Variants in TAF4B observed in about 807,000 individuals in gnomAD.
TAF4B encodes the protein transcription initiation factor TFIID subunit 4B.
In TAF4B, 38 loss-of-function variants were observed where a neutral mutation model predicts 86.4. The observed-to-expected ratio is 0.44, with a 90% CI of 0.34 to 0.58. The LOEUF (loss-of-function observed/expected upper bound fraction) is 0.58, where lower values mean the gene tolerates loss of function less well. TAF4B is among the 20% of genes least tolerant of loss of function. The probability of loss-of-function intolerance (pLI) is 0.02; values close to 1 mark genes in which losing one functional copy is unlikely to be tolerated. For missense variants in TAF4B, 988 were observed against 1,027.6 expected, an observed-to-expected ratio of 0.96 and a Z score of 0.53; for synonymous variants, 388 against 391.2, an observed-to-expected ratio of 0.99 and a Z score of 0.10.
chr18:26,354,276 G>T (rs1377766938), intron 13 of TAF4B, among the ~76,000 whole-genome samples: 1 of 152,182 alleles, frequency 6.6e-6, no homozygotes, highest in Non-Finnish European at 1.5e-5. Flanking sequence ...GTTTCACCCT[G>T]TTGGCCAGGC....
In TAF4B at chr18:26,267,663, A is replaced by G. The variant is rs748310583; in HGVS notation, c.597+40A>G. 1.2e-5 allele frequency: 17 copies of G among 1,415,360 alleles called. No individual in the cohort carries two copies. The South Asian group carries it at 2.0e-4, about 17-fold the overall frequency. The allele number at this position is 1,415,360 out of a possible 1,614,324, so 87.7% of individuals were successfully genotyped here. On this transcript the variant is annotated intron_variant, in intron 3 of 14. Transcript: ENST00000269142. ...CCATTCGTGCACTTGTTGTTCTCTT[A>G]ACTTTTAAAAAAATCATTTAGCTAT...
intron 3 of TAF4B, among the ~76,000 whole-genome samples, chr18:26,273,338 G>A (rs1034831205): frequency 1.3e-5 from 2 of 151,866 alleles, no homozygotes; most frequent in African/African-American, 4.8e-5. Flanking sequence ...TTAGCATATG[G>A]TATTTAATAT....
At chr18:26,266,589 C>T (rs115260908) in intron 2 of TAF4B, among the ~76,000 whole-genome samples, 7,577 of 151,992 alleles carry the variant, frequency 0.05, 212 homozygotes, top group Non-Finnish European at 0.059. Context: ...GGGCTGTGCG[C>T]GGTGACTCAC....
intron 10 of TAF4B, among the ~76,000 whole-genome samples, chr18:26,320,437 A>T (rs2056952402): frequency 6.6e-6 from 1 of 152,184 alleles, no homozygotes; most frequent in Admixed American, 6.5e-5. Flanking sequence ...AAGAAGTTTG[A>T]TTTTTTTATG....
At chr18:26,277,112 TA>T (rs145820596) in intron 5 of TAF4B, among the ~76,000 whole-genome samples, 6,604 of 152,170 alleles carry the variant, frequency 0.043, 192 homozygotes, top group Non-Finnish European at 0.061. Context: ...GATAGGGTCT[TA>T]ACTCTGTCAC....
At chr18:26,358,247 T>C (rs995938882) in intron 14 of TAF4B, among the ~76,000 whole-genome samples, 13 of 152,314 alleles carry the variant, frequency 8.5e-5, no homozygotes, top group Admixed American at 7.2e-4. Context: ...ATTGTTTCCT[T>C]GTATGAACAT....
intron 9 of TAF4B, among the ~76,000 whole-genome samples, 199 bp downstream of exon 9, chr18:26,293,730 T>C (rs76763154): frequency 3.3e-5 from 5 of 152,188 alleles, no homozygotes; most frequent in Non-Finnish European, 5.9e-5. Context: ...CAAATATATA[T>C]ACCTGTGTAA....
At chr18:26,285,210 C>CTTTTTTTTTTTTTTTTTTTTTTT (rs113394710) in intron 6 of TAF4B, among the ~76,000 whole-genome samples, 10 of 42,526 alleles carry the variant, frequency 2.4e-4, no homozygotes, top group East Asian at 9.7e-4. Flanking sequence ...TCTTCCTTTC[C>CTTTTTTTTTTTTTTTTTTTTTTT]TTTTTTTTTT....
Position 26,274,781 on chromosome 18 carries a change from T to G in TAF4B, c.716T>G (p.Leu239Arg). The change falls in exon 4 of 15, where the codon CTT becomes CGT. Residue 239 changes from leucine (L) to arginine (R), a missense_variant. This residue lies in a region of TAF4B where 747 missense variants were observed against 737.9 expected (regional missense o/e 1.01). Coordinates refer to ENST00000269142, the MANE Select transcript of TAF4B (RefSeq NM_005640.3). ...ASSTPSNEPN[L>R]KAENSAAVQI... is the part of the protein sequence containing the mutation. Reference sequence around the variant, plus strand: ...TCCACTCCTTCAAATGAGCCCAATCTTAAAGCAGAGAACTCAGCAGCTGTT... The same window carrying G: ...TCCACTCCTTCAAATGAGCCCAATCGTAAAGCAGAGAACTCAGCAGCTGTT... 6.2e-7 allele frequency: 1 copy of G among 1,614,206 alleles called. No homozygotes were observed. The highest frequency in any genetic ancestry group is 8.5e-7 in the Non-Finnish European group (1 of 1,180,030).
At chr18:26,349,039 T>G (rs1486947075) in intron 13 of TAF4B, 1 of 152,188 alleles carries the variant, frequency 6.6e-6, no homozygotes, top group Non-Finnish European at 1.5e-5. Flanking sequence ...AAATAAACAA[T>G]GTGCATGCTA....
chr18:26,268,946 C>T (rs1474616388), intron 3 of TAF4B, among the ~76,000 whole-genome samples: 1 of 152,136 alleles, frequency 6.6e-6, no homozygotes, highest in Non-Finnish European at 1.5e-5. Context: ...CCTCAGCCTC[C>T]CAAGTAGCTG....
At chr18:26,286,700 T>A (rs2056528589) in intron 7 of TAF4B, among the ~76,000 whole-genome samples, 1 of 152,068 alleles carries the variant, frequency 6.6e-6, no homozygotes, top group Non-Finnish European at 1.5e-5. Context: ...GTCCTTTTTT[T>A]AAAGACAGAG....
chr18:26,285,210 C>CTTTTTTT (rs113394710), intron 6 of TAF4B, among the ~76,000 whole-genome samples: 38 of 42,490 alleles, frequency 8.9e-4, no homozygotes, highest in Non-Finnish European at 1.4e-3. Context: ...TCTTCCTTTC[C>CTTTTTTT]TTTTTTTTTT....
chr18:26,345,073 C>G (rs1386149292), intron 13 of TAF4B, among the ~76,000 whole-genome samples: 5 of 152,198 alleles, frequency 3.3e-5, no homozygotes, highest in Non-Finnish European at 7.4e-5. Context: ...ACCATGAATT[C>G]ACACAGCTGC....
At chr18:26,245,040 C>T (rs529292734) in intron 1 of TAF4B, among the ~76,000 whole-genome samples, 19 of 151,840 alleles carry the variant, frequency 1.3e-4, no homozygotes, top group East Asian at 1.9e-4. Flanking sequence ...GGCAAACCAA[C>T]GCTCCGAACT....
chr18:26,284,687 G>C (rs2056489035), intron 6 of TAF4B, among the ~76,000 whole-genome samples: 1 of 152,090 alleles, frequency 6.6e-6, no homozygotes, highest in Admixed American at 6.6e-5. Context: ...AGACCAGCCT[G>C]GCCAACATGG....
intron 6 of TAF4B, among the ~76,000 whole-genome samples, chr18:26,283,064 A>G (rs1162936910): frequency 6.6e-6 from 1 of 152,156 alleles, no homozygotes; most frequent in Non-Finnish European, 1.5e-5. Flanking sequence ...AACCCCTCAT[A>G]GTCATCCATG....
chr18:26,284,291 T>A (rs889442519), intron 6 of TAF4B, among the ~76,000 whole-genome samples: 2 of 152,244 alleles, frequency 1.3e-5, no homozygotes, highest in African/African-American at 4.8e-5. Context: ...CTTAAGGGAA[T>A]GTTGTAGCTG....
chr18:26,326,992 TTC>T (rs1359787019), intron 11 of TAF4B, 21 bp from the exon 12 acceptor site: 26 of 1,608,116 alleles, frequency 1.6e-5, no homozygotes, highest in Non-Finnish European at 2.1e-5. Flanking sequence ...TTATAAGACT[TTC>T]TGTTTTCTTT....
Sources: allele counts gnomAD v4.1 joint callset (sites outside exome capture counted in the v4.1 genomes callset), GRCh38; gene constraint gnomAD v4.1.1; regional missense constraint gnomAD v4.1.1; transcripts MANE v1.5; gene names NCBI Gene and HGNC (gene_info 2026-07-23, HGNC 2026-07-21).